The following CSRNP3 variants were observed in gnomAD, a reference collection of about 807,000 sequenced individuals.
CSRNP3 encodes the protein cysteine/serine-rich nuclear protein 3.
Under a neutral mutation model 48.0 loss-of-function variants are expected in CSRNP3, and 12 were observed. The ratio of observed to expected loss-of-function variants is 0.25; its 90% confidence interval spans 0.16 to 0.41. The LOEUF is 0.41. Ranked by LOEUF, CSRNP3 falls within the 10% of genes least tolerant of loss-of-function variation. The probability of loss-of-function intolerance (pLI) is 1.00; values close to 1 mark genes in which losing one functional copy is unlikely to be tolerated. For missense variants in CSRNP3, 580 were observed against 724.4 expected, an observed-to-expected ratio of 0.80 and a Z score of 2.29; for synonymous variants, 263 against 269.7, an observed-to-expected ratio of 0.98 and a Z score of 0.24.
At chr2:165,500,614 C>T (rs1440446010) in intron 2 of CSRNP3, among the ~76,000 whole-genome samples, 6 of 151,826 alleles carry the variant, frequency 4.0e-5, no homozygotes, top group East Asian at 1.9e-4. Context: ...TGTGCCACTA[C>T]GCCCGGCTAA....
At chr2:165,644,976 G>A (rs1257322512) in intron 4 of CSRNP3, among the ~76,000 whole-genome samples, 1 of 152,048 alleles carries the variant, frequency 6.6e-6, no homozygotes, top group African/African-American at 2.4e-5. Context: ...CTCATAGATG[G>A]CACCTCCTTG....
intron 3 of CSRNP3, among the ~76,000 whole-genome samples, chr2:165,575,441 G>T (rs952009809): frequency 1.3e-5 from 2 of 152,036 alleles, no homozygotes; most frequent in African/African-American, 4.8e-5. Context: ...GTATGTGTAT[G>T]AAAATATGTT....
intron 4 of CSRNP3, among the ~76,000 whole-genome samples, chr2:165,605,429 G>T (rs1197694421): frequency 6.6e-6 from 1 of 151,810 alleles, no homozygotes; most frequent in African/African-American, 2.4e-5. Flanking sequence ...TAGGCCCAAA[G>T]TCCTCATCTC....
At chr2:165,494,013 A>C (rs1477135718) in intron 1 of CSRNP3, among the ~76,000 whole-genome samples, 1 of 152,138 alleles carries the variant, frequency 6.6e-6, no homozygotes, top group Non-Finnish European at 1.5e-5. Flanking sequence ...TGATGTAAAC[A>C]AATTTTAAGA....
At chr2:165,668,939 T>C (rs1044832669) in intron 5 of CSRNP3, among the ~76,000 whole-genome samples, 2 of 152,220 alleles carry the variant, frequency 1.3e-5, no homozygotes, top group Admixed American at 6.5e-5. Context: ...CATCATTAAT[T>C]GGCTATTTAG....
rs2105369243 is a variant in CSRNP3 at position 165,681,986 on chromosome 2, G to A, written c.*2233G>A. The A allele has an allele frequency of 6.6e-6, 1 of 151,678 alleles. No individual in the cohort carries two copies. The highest frequency in any genetic ancestry group is 2.4e-5 in the African/African-American group (1 of 41,362). 9.4% of individuals were successfully genotyped at this position (151,678 alleles called of 1,614,324 possible). ...ATTCAAGCACATGAAAGGATCATGT[G>A]TACTGTATTTGCTGGACCATTACAA... On this transcript the variant is annotated 3_prime_UTR_variant, in exon 7 of 7. Coordinates refer to ENST00000651982, the MANE Select transcript of CSRNP3 (RefSeq NM_001172173.2).
At position 165,592,587 on chromosome 2, in the gene CSRNP3, T is replaced by C. The variant is rs541808813; in HGVS notation, c.-23-2456T>C. On this transcript the variant is annotated intron_variant, in intron 3 of 6. Transcript: ENST00000651982. ...GGGAGGGATGTGTTGGGGGGGTAAT[T>C]GAATCATGGGGGCAGTTACCCTCAT... Among the ~76,000 whole-genome samples the C allele has an allele frequency of 1.9e-3, 292 of 152,146 alleles. 4 individuals are homozygous for C. Among genetic ancestry groups the C allele is most frequent in the African/African-American group, 6.4e-3 (264 of 41,508 alleles).
chr2:165,675,488 G>A (rs1687408724), intron 5 of CSRNP3, among the ~76,000 whole-genome samples: 1 of 152,146 alleles, frequency 6.6e-6, no homozygotes, highest in Admixed American at 6.5e-5. Context: ...AAGAAATGAA[G>A]TACTTATTCA....
At position 165,678,910 on chromosome 2, in the gene CSRNP3, C is replaced by A; in HGVS notation, c.915C>A (p.Val305=). ...CTCACAGTAGTTCTATGGGCCCTGT[C>A]GCTCACTCCGTAGAATATTCAATCG... ...ISAHSSSMGP[V]AHSVEYSIAD... The change falls in exon 7 of 7, where the codon GTC becomes GTA. Residue 305 remains valine, a synonymous_variant. Coordinates refer to ENST00000651982, the MANE Select transcript of CSRNP3 (RefSeq NM_001172173.2). 6.2e-7 allele frequency: 1 copy of A among 1,614,008 alleles called. No individual in the cohort carries two copies. Among genetic ancestry groups the A allele is most frequent in the Non-Finnish European group, 8.5e-7 (1 of 1,180,002 alleles).
At chr2:165,518,281 C>T (rs1292590825) in intron 3 of CSRNP3, among the ~76,000 whole-genome samples, 1 of 151,784 alleles carries the variant, frequency 6.6e-6, no homozygotes, top group Non-Finnish European at 1.5e-5. Context: ...AAATATAAAC[C>T]TATTTAGTGA....
In CSRNP3 at chr2:165,688,297, T is replaced by A. The variant is rs1687663626; in HGVS notation, c.*8544T>A. ...TAAGAACCTCAGCCTTTATTGTGTCTTAGTAAAGTTGATCTGCTTTATTTT... is the reference window on the plus strand; with the variant it reads ...TAAGAACCTCAGCCTTTATTGTGTCATAGTAAAGTTGATCTGCTTTATTTT... On this transcript the variant is annotated 3_prime_UTR_variant, in exon 7 of 7. Transcript: ENST00000651982. 1 of 152,154 alleles carries A rather than the reference T, an allele frequency of 6.6e-6. No individual in the cohort carries two copies. The highest frequency in any genetic ancestry group is 2.4e-5 in the African/African-American group (1 of 41,448). The allele number at this position is 152,154 out of a possible 1,614,324, so 9.4% of individuals were successfully genotyped here.
In CSRNP3 at chr2:165,577,840, A is replaced by G. The variant is rs989212135; in HGVS notation, c.-23-17203A>G. Among the ~76,000 whole-genome samples, 3 of 152,072 alleles carry G rather than the reference A, an allele frequency of 2.0e-5. No homozygotes were observed. In the East Asian group the frequency reaches 5.8e-4, roughly 29 times the overall value. On this transcript the variant is annotated intron_variant, in intron 3 of 6. Transcript: ENST00000651982. ...TTCTAAATCACTTTGACTTTCCTGG[A>G]CAGAGAAAGAGAGAAACCTTTCTCC...
intron 1 of CSRNP3, among the ~76,000 whole-genome samples, chr2:165,483,842 A>T (rs1362318352): frequency 6.6e-6 from 1 of 152,326 alleles, no homozygotes; most frequent in East Asian, 1.9e-4. Context: ...CCAAAGCTCC[A>T]GCCCCTAATA....
intron 3 of CSRNP3, among the ~76,000 whole-genome samples, chr2:165,523,467 A>G (rs1363413630): frequency 6.6e-6 from 1 of 152,136 alleles, no homozygotes; most frequent in Non-Finnish European, 1.5e-5. Context: ...AACTTCTAAG[A>G]TTCAGTTACT....
chr2:165,535,021 A>G (rs1684863254), intron 3 of CSRNP3, among the ~76,000 whole-genome samples: 2 of 151,854 alleles, frequency 1.3e-5, no homozygotes, highest in African/African-American at 4.8e-5. Context: ...TCTATATTAT[A>G]CTTGAGACTT....
rs200208699 is a variant in CSRNP3 at position 165,664,415 on chromosome 2, C to G, written c.408+6395C>G. Among the ~76,000 whole-genome samples, 17 of 152,298 alleles carry G rather than the reference C, an allele frequency of 1.1e-4. No individual in the cohort carries two copies. The East Asian group carries it at 1.7e-3, about 16-fold the overall frequency. On this transcript the variant is annotated intron_variant, in intron 5 of 6. Transcript: ENST00000651982. The stretch of plus-strand genomic sequence containing the variant: ...AGCTTTAATTGTTAGAAAGCTCTTC[C>G]TAACATTGAGCAACCTGCTGCCATG...
At chr2:165,569,301 T>C (rs1343976805) in intron 3 of CSRNP3, among the ~76,000 whole-genome samples, 3 of 152,118 alleles carry the variant, frequency 2.0e-5, no homozygotes, top group Admixed American at 6.6e-5. Flanking sequence ...CCAGTTAATA[T>C]GGTTCCAGGA....
intron 3 of CSRNP3, among the ~76,000 whole-genome samples, chr2:165,519,416 G>C (rs1684622880): frequency 6.6e-6 from 1 of 152,144 alleles, no homozygotes; most frequent in Non-Finnish European, 1.5e-5. Flanking sequence ...CAAATAGTAG[G>C]TAGGTGAGTA....
At chr2:165,621,169 C>A (rs568584584) in intron 4 of CSRNP3, among the ~76,000 whole-genome samples, 6 of 152,180 alleles carry the variant, frequency 3.9e-5, no homozygotes, top group African/African-American at 1.4e-4. Context: ...GGTTAGCAGT[C>A]GTGGGTCATT....
Sources: gnomAD v4.1 joint callset for allele counts (sites outside exome capture counted in the v4.1 genomes callset) on GRCh38, gnomAD v4.1.1 for gene constraint, MANE v1.5 for transcripts, NCBI Gene and HGNC (gene_info 2026-07-23, HGNC 2026-07-21) for gene names.